GLCE: variants seen among roughly 807,000 people sequenced by gnomAD.
The protein encoded by GLCE is D-glucuronyl C5-epimerase.
Under a neutral mutation model 47.9 loss-of-function variants are expected in GLCE, and 19 were observed. The ratio of observed to expected loss-of-function variants is 0.40; its 90% CI spans 0.28 to 0.58. GLCE has a LOEUF of 0.58. GLCE is among the 20% of genes least tolerant of loss of function. The pLI is 0.48. For synonymous variants in GLCE, 245 were observed against 263.4 expected, an observed-to-expected ratio of 0.93 and a Z score of 0.68; for missense variants, 556 against 743.3, an observed-to-expected ratio of 0.75 and a Z score of 2.93.
intron 2 of GLCE, among the ~76,000 whole-genome samples, chr15:69,217,483 T>G (rs1212932822): frequency 6.6e-6 from 1 of 151,998 alleles, no homozygotes; most frequent in Non-Finnish European, 1.5e-5. Flanking sequence ...TGTGGGTTTT[T>G]ATTTGTTCTG....
chr15:69,167,823 GTT>G (rs79073362), intron 1 of GLCE, among the ~76,000 whole-genome samples: 29 of 135,558 alleles, frequency 2.1e-4, no homozygotes, highest in African/African-American at 3.2e-4. Flanking sequence ...CTTGGGAAAA[GTT>G]TTTTTTTTTT....
At chr15:69,187,785 G>A (rs746536321) in intron 1 of GLCE, among the ~76,000 whole-genome samples, 14 of 152,044 alleles carry the variant, frequency 9.2e-5, no homozygotes, top group Non-Finnish European at 1.3e-4. Context: ...ACTTGGGGCC[G>A]GCCATGGTGG....
At chr15:69,263,977 A>G (rs951233783) in intron 4 of GLCE, among the ~76,000 whole-genome samples, 6 of 152,212 alleles carry the variant, frequency 3.9e-5, no homozygotes, top group Non-Finnish European at 8.8e-5. Context: ...TAACACATCC[A>G]TCACCTCATA....
chr15:69,221,487 T>G (rs2140389787), intron 2 of GLCE, among the ~76,000 whole-genome samples: 1 of 152,328 alleles, frequency 6.6e-6, no homozygotes, highest in African/African-American at 2.4e-5. Flanking sequence ...TATATTATTC[T>G]TTTTGATGCT....
intron 1 of GLCE, among the ~76,000 whole-genome samples, chr15:69,188,108 T>G (rs1476532720): frequency 6.6e-6 from 1 of 151,894 alleles, no homozygotes; most frequent in Non-Finnish European, 1.5e-5. Context: ...CTGGGCCTGG[T>G]GGTGCATGCC....
chr15:69,161,599 C>T (rs1369913973), intron 1 of GLCE, among the ~76,000 whole-genome samples: 2 of 152,178 alleles, frequency 1.3e-5, no homozygotes, highest in Non-Finnish European at 2.9e-5. Context: ...GGTGCTACCG[C>T]GCAGGCTGGG....
chr15:69,271,285 A>G lies in GLCE; in HGVS notation c.*2041A>G, dbSNP rs1209356565. Reference sequence around the variant, plus strand: ...TGTGATCCCAGAATTTTCTAAGAGGATGAGTTGAATCTATAGCAGCATTGT... The same window carrying G: ...TGTGATCCCAGAATTTTCTAAGAGGGTGAGTTGAATCTATAGCAGCATTGT... On this transcript the variant is annotated 3_prime_UTR_variant, in exon 5 of 5. Coordinates refer to ENST00000261858, the MANE Select transcript of GLCE (RefSeq NM_015554.3). 6.6e-6 allele frequency: 1 copy of G among 152,642 alleles called. No individual in the cohort carries two copies. The highest frequency in any genetic ancestry group is 1.5e-5 in the Non-Finnish European group (1 of 68,036). 9.5% of individuals were successfully genotyped at this position (152,642 alleles called of 1,614,324 possible). A position where few individuals can be genotyped will look rare whatever the true frequency, so the allele number is the denominator to read the frequency against.
intron 1 of GLCE, among the ~76,000 whole-genome samples, chr15:69,174,063 C>T (rs1308015919): frequency 6.6e-6 from 1 of 152,090 alleles, no homozygotes; most frequent in Non-Finnish European, 1.5e-5. Flanking sequence ...TGCCATGTTG[C>T]CCAGGCTGGT....
At chr15:69,247,624 C>T (rs2052771446) in intron 2 of GLCE, among the ~76,000 whole-genome samples, 1 of 152,220 alleles carries the variant, frequency 6.6e-6, no homozygotes, top group Non-Finnish European at 1.5e-5. Flanking sequence ...GACATGCCCT[C>T]CTCACTGAGC....
At chr15:69,251,239 G>A (rs976980665) in intron 2 of GLCE, among the ~76,000 whole-genome samples, 1 of 152,080 alleles carries the variant, frequency 6.6e-6, no homozygotes, top group Non-Finnish European at 1.5e-5. Flanking sequence ...AACATTTTGG[G>A]CTGGAATGTA....
At chr15:69,199,384 A>G (rs1397932521) in intron 1 of GLCE, among the ~76,000 whole-genome samples, 1 of 152,184 alleles carries the variant, frequency 6.6e-6, no homozygotes, top group Non-Finnish European at 1.5e-5. Context: ...GCATAAGGAT[A>G]TATAAAAATC....
At chr15:69,234,158 A>G (rs541816967) in intron 2 of GLCE, among the ~76,000 whole-genome samples, 44 of 152,100 alleles carry the variant, frequency 2.9e-4, no homozygotes, top group African/African-American at 1.1e-3. Flanking sequence ...TTTTATTTTT[A>G]GTAGAGAGGA....
chr15:69,192,797 C>A (rs946494343), intron 1 of GLCE, among the ~76,000 whole-genome samples: 4 of 151,996 alleles, frequency 2.6e-5, no homozygotes, highest in Non-Finnish European at 5.9e-5. Flanking sequence ...AATGCATGGT[C>A]CTTCTGGAGT....
At chr15:69,199,543 T>C (rs2052046574) in intron 1 of GLCE, among the ~76,000 whole-genome samples, 1 of 152,178 alleles carries the variant, frequency 6.6e-6, no homozygotes, top group Non-Finnish European at 1.5e-5. Context: ...ATTTAATCTT[T>C]TGAAGAAAAC....
At chr15:69,260,333 C>T (rs558161996) in intron 3 of GLCE, among the ~76,000 whole-genome samples, 2 of 143,640 alleles carry the variant, frequency 1.4e-5, no homozygotes, top group South Asian at 4.6e-4. Context: ...CATCTCGGCT[C>T]ACTGCAACCC....
intron 1 of GLCE, among the ~76,000 whole-genome samples, chr15:69,204,221 A>G (rs2052116166): frequency 6.6e-6 from 1 of 151,920 alleles, no homozygotes. Flanking sequence ...CTACTTATTC[A>G]AATAAAGCGA....
At chr15:69,214,448 C>G (rs2052277161) in intron 2 of GLCE, among the ~76,000 whole-genome samples, 1 of 152,036 alleles carries the variant, frequency 6.6e-6, no homozygotes, top group South Asian at 2.1e-4. Context: ...CACACTTGCC[C>G]TCTTGCCTGC....
In GLCE at chr15:69,267,784, T is replaced by G. The variant is rs140949266; in HGVS notation, c.830-436T>G. Among the ~76,000 whole-genome samples the G allele has an allele frequency of 8.7e-4, 132 of 152,112 alleles. 2 individuals are homozygous for G. The East Asian group carries it at 0.02, about 23-fold the overall frequency. Reference sequence around the variant, plus strand: ...TAAATGTTAAATAGTTTAAAATTCATGTATAACCATTTTTTCTAGCCTCTT... The same window carrying G: ...TAAATGTTAAATAGTTTAAAATTCAGGTATAACCATTTTTTCTAGCCTCTT... On this transcript the variant is annotated intron_variant, in intron 4 of 4. Transcript: ENST00000261858.
At chr15:69,178,859 C>T (rs2051710826) in intron 1 of GLCE, among the ~76,000 whole-genome samples, 1 of 151,788 alleles carries the variant, frequency 6.6e-6, no homozygotes, top group Non-Finnish European at 1.5e-5. Context: ...ATATATGACT[C>T]TTAGTAGGGG....
Sources: allele counts gnomAD v4.1 joint callset (sites outside exome capture counted in the v4.1 genomes callset), GRCh38; gene constraint gnomAD v4.1.1; transcripts MANE v1.5; gene names NCBI Gene and HGNC (gene_info 2026-07-23, HGNC 2026-07-21).